GPC5: variants seen among roughly 807,000 people sequenced by gnomAD.
GPC5 encodes glypican-5.
GPC5 carries 47 observed loss-of-function variants against 53.9 expected under a neutral mutation model. That is an observed-to-expected ratio of 0.87 (90% CI 0.69 to 1.11). The LOEUF (loss-of-function observed/expected upper bound fraction) is 1.11. Among genes scored for constraint, GPC5 ranks in the 50% most tolerant of loss-of-function variants. GPC5 has a pLI of 0.00. For synonymous variants in GPC5, 286 were observed against 263.3 expected, an observed-to-expected ratio of 1.09 and a Z score of -0.84; for missense variants, 748 against 713.1, an observed-to-expected ratio of 1.05 and a Z score of -0.56.
chr13:91,488,917 G>A (rs571698436), intron 2 of GPC5, among the ~76,000 whole-genome samples: 6 of 152,308 alleles, frequency 3.9e-5, no homozygotes, highest in East Asian at 3.9e-4. Context: ...CCTGAGGGGA[G>A]GCCTCGAAAA....
intron 7 of GPC5, among the ~76,000 whole-genome samples, chr13:92,368,369 C>T (rs981072808): frequency 2.0e-5 from 3 of 150,800 alleles, no homozygotes; most frequent in African/African-American, 7.3e-5. Flanking sequence ...TAGGGCTGGG[C>T]GTGGTTGCTC....
intron 6 of GPC5, among the ~76,000 whole-genome samples, chr13:92,135,979 G>T (rs2041781053): frequency 6.6e-6 from 1 of 152,188 alleles, no homozygotes; most frequent in Non-Finnish European, 1.5e-5. Flanking sequence ...ATTTGAAAGA[G>T]ACAGTAGAAA....
chr13:92,000,316 A>G (rs988499789), intron 6 of GPC5, among the ~76,000 whole-genome samples: 1 of 152,134 alleles, frequency 6.6e-6, no homozygotes, highest in Non-Finnish European at 1.5e-5. Context: ...GAAACAAAAG[A>G]TATGGTTACT....
At chr13:91,721,427 G>T (rs888808117) in intron 3 of GPC5, among the ~76,000 whole-genome samples, 11 of 152,126 alleles carry the variant, frequency 7.2e-5, no homozygotes, top group African/African-American at 2.7e-4. Flanking sequence ...GAGCCACCGT[G>T]CCCAGCCTCT....
At chr13:92,508,388 CAAT>C (rs1880449624) in intron 7 of GPC5, among the ~76,000 whole-genome samples, 1 of 151,980 alleles carries the variant, frequency 6.6e-6, no homozygotes, top group Non-Finnish European at 1.5e-5. Context: ...AGCTTGGGTA[CAAT>C]AATAATGATT....
chr13:91,999,910 A>T (rs1385728596), intron 6 of GPC5, among the ~76,000 whole-genome samples: 2 of 152,232 alleles, frequency 1.3e-5, no homozygotes, highest in Non-Finnish European at 2.9e-5. Flanking sequence ...TGAAAATTAA[A>T]TGATAAAGTC....
chr13:91,678,514 G>A (rs1418144629), intron 2 of GPC5, among the ~76,000 whole-genome samples: 1 of 152,118 alleles, frequency 6.6e-6, no homozygotes, highest in Non-Finnish European at 1.5e-5. Context: ...ATGAAGAAGA[G>A]ATAAGATGCT....
intron 7 of GPC5, among the ~76,000 whole-genome samples, chr13:92,254,221 T>A (rs565179476): frequency 1.3e-5 from 2 of 152,122 alleles, no homozygotes; most frequent in Admixed American, 1.3e-4. Context: ...CCAAAGAGCA[T>A]GGGAACAAAT....
intron 6 of GPC5, among the ~76,000 whole-genome samples, chr13:92,080,019 C>A (rs946186304): frequency 3.9e-5 from 6 of 152,098 alleles, no homozygotes; most frequent in African/African-American, 1.4e-4. Context: ...CACCAGTGAC[C>A]ACTGGGTTGT....
chr13:91,485,464 C>T (rs187785755), intron 2 of GPC5, among the ~76,000 whole-genome samples: 1,858 of 152,252 alleles, frequency 0.012, 32 homozygotes, highest in African/African-American at 0.041. Context: ...GTGATCCACC[C>T]GCCTTGGCCT....
At chr13:92,464,370 T>C (rs1311546474) in intron 7 of GPC5, among the ~76,000 whole-genome samples, 6 of 152,194 alleles carry the variant, frequency 3.9e-5, no homozygotes, top group Admixed American at 3.3e-4. Flanking sequence ...CCAAAAATTA[T>C]AGATAGGTTT....
chr13:91,844,354 T>G (rs1013812697), intron 5 of GPC5, among the ~76,000 whole-genome samples: 1 of 152,202 alleles, frequency 6.6e-6, no homozygotes, highest in Non-Finnish European at 1.5e-5. Context: ...GGAATTCTTG[T>G]GCATGTGTGC....
intron 4 of GPC5, among the ~76,000 whole-genome samples, chr13:91,754,193 GA>G (rs1304460527): frequency 1.3e-5 from 2 of 152,118 alleles, no homozygotes; most frequent in African/African-American, 4.8e-5. Context: ...ATCTTTCCAA[GA>G]AACTTAGATA....
chr13:91,952,828 C>T (rs566640155), intron 6 of GPC5, among the ~76,000 whole-genome samples: 3 of 152,084 alleles, frequency 2.0e-5, no homozygotes, highest in Admixed American at 6.6e-5. Flanking sequence ...ACTGTGAATG[C>T]CATGCTGGAT....
At chr13:91,422,707 G>T (rs1878728378) in intron 1 of GPC5, among the ~76,000 whole-genome samples, 1 of 152,026 alleles carries the variant, frequency 6.6e-6, no homozygotes, top group African/African-American at 2.4e-5. Context: ...GGCTGCATCT[G>T]GTGAGGGCCT....
At chr13:92,846,639 T>C (rs908335759) in intron 7 of GPC5, among the ~76,000 whole-genome samples, 23 of 152,140 alleles carry the variant, frequency 1.5e-4, no homozygotes, top group African/African-American at 5.6e-4. Context: ...TTTGCTAATA[T>C]TAGTGAGAGT....
At chr13:92,387,333 C>A (rs1447664565) in intron 7 of GPC5, among the ~76,000 whole-genome samples, 1 of 152,068 alleles carries the variant, frequency 6.6e-6, no homozygotes, top group Non-Finnish European at 1.5e-5. Flanking sequence ...ATATTCTAGG[C>A]TAAACTATCA....
chr13:92,352,302 A>G (rs1594124871), intron 7 of GPC5, among the ~76,000 whole-genome samples: 1 of 152,370 alleles, frequency 6.6e-6, no homozygotes, highest in East Asian at 1.9e-4. Flanking sequence ...CTAAAAATAT[A>G]AATGAACATC....
At chr13:92,812,505 A>G (rs1475232863) in intron 7 of GPC5, among the ~76,000 whole-genome samples, 4 of 151,926 alleles carry the variant, frequency 2.6e-5, no homozygotes, top group Admixed American at 2.6e-4. Context: ...ATAAGTAAAA[A>G]CACTCAAAAA....
Sources: gnomAD v4.1 joint callset for allele counts (sites outside exome capture counted in the v4.1 genomes callset) on GRCh38, gnomAD v4.1.1 for gene constraint, MANE v1.5 for transcripts, NCBI Gene and HGNC (gene_info 2026-07-23, HGNC 2026-07-21) for gene names.